Variants in CELF2 observed in about 807,000 individuals in gnomAD.
CELF2 encodes CUG triplet repeat RNA-binding protein 2.
Under a neutral mutation model 62.6 loss-of-function variants are expected in CELF2, and 8 were observed. The ratio of observed to expected loss-of-function variants is 0.13; its 90% CI spans 0.07 to 0.23. The LOEUF (loss-of-function observed/expected upper bound fraction) is 0.23. Among genes scored for constraint, CELF2 ranks in the 10% least tolerant of loss-of-function variants. The pLI, the probability that CELF2 is intolerant of heterozygous loss-of-function variation, is 1.00. For synonymous variants in CELF2, 258 were observed against 250.0 expected, an observed-to-expected ratio of 1.03 and a Z score of -0.30; for missense variants, 333 against 671.0, an observed-to-expected ratio of 0.50 and a Z score of 5.56.
the CELF2 span, among the ~76,000 whole-genome samples, chr10:10,781,630 A>G: frequency 6.6e-6 from 1 of 152,216 alleles, no homozygotes; most frequent in Non-Finnish European, 1.5e-5. Flanking sequence ...GGCCCCTCCC[A>G]TGACACATGG....
chr10:10,682,129 C>T, the CELF2 span, among the ~76,000 whole-genome samples: 3 of 152,074 alleles, frequency 2.0e-5, no homozygotes, highest in Admixed American at 6.6e-5. Context: ...TATCAAAATC[C>T]TCAATGTAAT....
At chr10:10,581,831 C>G in the CELF2 span, among the ~76,000 whole-genome samples, 1 of 152,128 alleles carries the variant, frequency 6.6e-6, no homozygotes, top group African/African-American at 2.4e-5. Flanking sequence ...TGTTTGAGAA[C>G]AGCCTGGCCA....
At chr10:10,598,101 T>C in the CELF2 span, among the ~76,000 whole-genome samples, 1 of 152,198 alleles carries the variant, frequency 6.6e-6, no homozygotes, top group African/African-American at 2.4e-5. Flanking sequence ...TATATTTATA[T>C]GAAATGGTGT....
At chr10:10,937,121 C>CTTTTTTTTTTTTTTTTTTTTTTT (rs373143426) in intron 2 of CELF2, among the ~76,000 whole-genome samples, 6 of 90,536 alleles carry the variant, frequency 6.6e-5, no homozygotes, top group African/African-American at 2.1e-4. Context: ...TTTTTCTTTT[C>CTTTTTTTTTTTTTTTTTTTTTTT]TTTTTTTTTT....
chr10:11,098,301 G>T lies in CELF2; in HGVS notation c.75-67185G>T, dbSNP rs553833828. On this transcript the variant is annotated intron_variant, in intron 1 of 12. Transcript: ENST00000633077. The surrounding 1 kb of genome is among the most constrained non-coding windows in gnomAD (Gnocchi z 4.0). The stretch of plus-strand genomic sequence containing the variant: ...GCCCTCGCCTTGTCTTCCTGCGAAG[G>T]TTCAGGAGCCAGTGTGTTCTTTCCT... 3 of 152,420 alleles carry T rather than the reference G, an allele frequency of 2.0e-5. No individual in the cohort carries two copies. The East Asian group carries it at 5.8e-4, about 29-fold the overall frequency. The allele number at this position is 152,420 out of a possible 1,614,324, so 9.4% of individuals were successfully genotyped here. A position where few individuals can be genotyped will look rare whatever the true frequency, so the allele number is the denominator to read the frequency against.
intron 2 of CELF2, among the ~76,000 whole-genome samples, chr10:10,987,892 A>G (rs1374820617): frequency 6.6e-6 from 1 of 152,216 alleles, no homozygotes; most frequent in East Asian, 1.9e-4. Context: ...AGGGAAATAC[A>G]CATTAAAACT....
chr10:11,249,725 T>C (rs943493641), intron 4 of CELF2, among the ~76,000 whole-genome samples: 1 of 152,250 alleles, frequency 6.6e-6, no homozygotes, highest in Non-Finnish European at 1.5e-5. Flanking sequence ...TTCAGTCTGC[T>C]GATTAAATAA....
At chr10:10,620,082 T>A in the CELF2 span, among the ~76,000 whole-genome samples, 1 of 152,206 alleles carries the variant, frequency 6.6e-6, no homozygotes, top group Non-Finnish European at 1.5e-5. Context: ...AAAAAAAATG[T>A]TTCTAATACT....
At chr10:10,493,683 C>T in the CELF2 span, among the ~76,000 whole-genome samples, 1 of 152,050 alleles carries the variant, frequency 6.6e-6, no homozygotes, top group Admixed American at 6.5e-5. Flanking sequence ...AGGTGCCTGA[C>T]ACTACATACA....
intron 1 of CELF2, among the ~76,000 whole-genome samples, chr10:11,088,681 G>T (rs566967778): frequency 1.6e-3 from 246 of 152,330 alleles, no homozygotes; most frequent in Non-Finnish European, 2.9e-3. Context: ...GGGTACTGCT[G>T]TGTAACACAT....
Position 10,934,196 on chromosome 10 carries a change from G to A in CELF2, c.89+14197G>A, listed in dbSNP as rs1427030656. 6.6e-6 allele frequency among the ~76,000 whole-genome samples: 1 copy of A among 152,118 alleles called. No homozygotes were observed. Among genetic ancestry groups the A allele is most frequent in the Non-Finnish European group, 1.5e-5 (1 of 68,026 alleles). On this transcript the variant is annotated intron_variant, in intron 2 of 13. Transcript: ENST00000636488. The surrounding 1 kb of genome is among the most constrained non-coding windows in gnomAD (Gnocchi z 4.4). ...TTGTTTTGTTTTCAATACCAGTAGG[G>A]GCATTGGAACAGGGTTAAAAATAGA...
the CELF2 span, among the ~76,000 whole-genome samples, chr10:10,608,810 G>A: frequency 2.0e-5 from 3 of 152,248 alleles, no homozygotes; most frequent in South Asian, 2.1e-4. Context: ...TTCCTCCGTC[G>A]AGAGTAGTGA....
chr10:11,072,724 C>G (rs1312692707), intron 1 of CELF2, among the ~76,000 whole-genome samples: 1 of 152,054 alleles, frequency 6.6e-6, no homozygotes, highest in African/African-American at 2.4e-5. Context: ...AGATGGTGAC[C>G]CTTAAGTTTA....
chr10:10,770,365 G>A, the CELF2 span, among the ~76,000 whole-genome samples: 1 of 151,956 alleles, frequency 6.6e-6, no homozygotes, highest in Non-Finnish European at 1.5e-5. Context: ...CAGCCAGCAA[G>A]CAGGAGGGGA....
At chr10:10,889,273 C>T (rs931528341) in intron 1 of CELF2, among the ~76,000 whole-genome samples, 1 of 152,142 alleles carries the variant, frequency 6.6e-6, no homozygotes, top group African/African-American at 2.4e-5. Flanking sequence ...TGTGATGGAG[C>T]CATTTCGCAG....
intron 9 of CELF2, among the ~76,000 whole-genome samples, chr10:11,310,500 A>T: frequency 6.6e-6 from 1 of 152,072 alleles, no homozygotes; most frequent in East Asian, 1.9e-4. Flanking sequence ...CAGAGACTTT[A>T]AGTGGTTGGT....
chr10:10,498,389 T>A, the CELF2 span, among the ~76,000 whole-genome samples: 3 of 152,226 alleles, frequency 2.0e-5, no homozygotes, highest in Non-Finnish European at 4.4e-5. Flanking sequence ...ACCTGCCGAA[T>A]GGCTAACAAT....
chr10:11,141,688 G>A (rs1053446298), intron 1 of CELF2, among the ~76,000 whole-genome samples: 3 of 152,222 alleles, frequency 2.0e-5, no homozygotes, highest in African/African-American at 7.2e-5. Context: ...ATCATTGCAT[G>A]TTTATTTAGT....
chr10:10,930,457 A>G (rs1369327011), intron 2 of CELF2, among the ~76,000 whole-genome samples: 1 of 152,236 alleles, frequency 6.6e-6, no homozygotes, highest in Non-Finnish European at 1.5e-5. Flanking sequence ...TGATCAAAAT[A>G]AAAATTCTTA....
Sources: allele counts gnomAD v4.1 joint callset (sites outside exome capture counted in the v4.1 genomes callset), GRCh38; gene constraint gnomAD v4.1.1; non-coding constraint Gnocchi (gnomAD v3.1); transcripts MANE v1.5; gene names NCBI Gene and HGNC (gene_info 2026-07-23, HGNC 2026-07-21).